Variants in LCA5 observed in about 807,000 individuals in gnomAD.
LCA5 encodes lebercilin LCA5.
A neutral mutation model predicts 53.0 loss-of-function variants in LCA5; 37 were observed. That is an observed-to-expected ratio of 0.70 (90% CI 0.54 to 0.92). The LOEUF is 0.92. Ranked by LOEUF, LCA5 falls within the 40% of genes least tolerant of loss-of-function variation. The pLI, the probability that LCA5 is intolerant of heterozygous loss-of-function variation, is 0.00. For synonymous variants in LCA5, 303 were observed against 282.9 expected (o/e 1.07, Z -0.71); for missense variants, 806 against 790.5 (o/e 1.02, Z -0.23).
rs200988021 is a variant in LCA5 at position 79,491,589 on chromosome 6, A to C, written c.1097T>G (p.Leu366Trp). ...NKWEEPGHLT[L>W]DLQSQKQDRH... ...ACATAACAATACTGCTAAACTCACCAAAGTAAGATGTCCTGGTTCTTCCCA... is the reference window on the plus strand; with the variant it reads ...ACATAACAATACTGCTAAACTCACCCAAGTAAGATGTCCTGGTTCTTCCCA... Residue 366 changes from leucine (L) to tryptophan (W), a missense_variant and splice_region_variant, in exon 6 of 8, where the codon TTG becomes TGG. Transcript: ENST00000369846. The C allele has an allele frequency of 9.9e-6, 16 of 1,612,814 alleles. No individual in the cohort carries two copies. The highest frequency in any genetic ancestry group is 1.2e-5 in the Non-Finnish European group (14 of 1,178,986).
chr6:79,493,926 G>C (rs764009739), intron 3 of LCA5, among the ~76,000 whole-genome samples, 176 bp from the exon 4 acceptor site: 4 of 152,118 alleles, frequency 2.6e-5, no homozygotes, highest in Non-Finnish European at 5.9e-5. Flanking sequence ...ATTTAGTAAG[G>C]TATCAAGCCT....
chr6:79,504,714 A>C (rs766128454), intron 3 of LCA5, among the ~76,000 whole-genome samples: 1 of 152,218 alleles, frequency 6.6e-6, no homozygotes, highest in Non-Finnish European at 1.5e-5. Flanking sequence ...ATTTAACAGT[A>C]ATAAGGAAAG....
intron 1 of LCA5, among the ~76,000 whole-genome samples, chr6:79,524,582 A>T (rs75012477): frequency 0.066 from 9,991 of 152,238 alleles, 442 homozygotes; most frequent in Non-Finnish European, 0.1. Flanking sequence ...TTTATTCAAA[A>T]TATATTTCTT....
At chr6:79,495,965 T>A (rs1769973529) in intron 3 of LCA5, among the ~76,000 whole-genome samples, 1 of 152,036 alleles carries the variant, frequency 6.6e-6, no homozygotes, top group African/African-American at 2.4e-5. Context: ...AACATCTGTA[T>A]CTGTCCCACA....
rs1769665768 is a variant in LCA5, at chr6:79,486,709, A to AC, written c.*294dup. The AC allele has an allele frequency of 3.6e-6, 1 of 274,684 alleles. No individual in the cohort carries two copies. The highest frequency in any genetic ancestry group is 6.8e-6 in the Non-Finnish European group (1 of 147,864). The allele number at this position is 274,684 out of a possible 1,614,324, so 17.0% of individuals were successfully genotyped here. A position where few individuals can be genotyped will look rare whatever the true frequency, so the allele number is the denominator to read the frequency against. On this transcript the variant is annotated 3_prime_UTR_variant, in exon 8 of 8. Coordinates refer to ENST00000369846, the MANE Select transcript of LCA5 (RefSeq NM_001122769.3). ...ATAGGAATAAAAGTAGAAAAGGAAT[A>AC]CCACCTCCAGTGCAGTTAAACTTGC...
chr6:79,529,853 G>T (rs1317260509), intron 1 of LCA5, among the ~76,000 whole-genome samples: 2 of 148,248 alleles, frequency 1.3e-5, no homozygotes, highest in African/African-American at 5.0e-5. Flanking sequence ...CTATTGCAAG[G>T]ACAAAAAAAA....
intron 1 of LCA5, among the ~76,000 whole-genome samples, chr6:79,519,921 C>G (rs1372063015): frequency 6.6e-6 from 1 of 151,620 alleles, no homozygotes; most frequent in Non-Finnish European, 1.5e-5. Flanking sequence ...ATTAAATGGG[C>G]AAAATATATA....
chr6:79,535,061 T>C lies in LCA5; in HGVS notation c.-192+2104A>G, dbSNP rs528625130. Among the ~76,000 whole-genome samples the C allele has an allele frequency of 4.0e-4, 61 of 152,310 alleles. 1 individual carries two copies. Among genetic ancestry groups the C allele is most frequent in the Admixed American group, 2.1e-3 (32 of 15,302 alleles). On this transcript the variant is annotated intron_variant, in intron 1 of 7. Coordinates refer to ENST00000369846, the MANE Select transcript of LCA5 (RefSeq NM_001122769.3). ...ATGCTAAAATAATATTCTGGATATATGTGACTTAAAAATACATTAAAATTT... is the reference window on the plus strand; with the variant it reads ...ATGCTAAAATAATATTCTGGATATACGTGACTTAAAAATACATTAAAATTT...
chr6:79,533,735 C>T (rs1428341647), intron 1 of LCA5, among the ~76,000 whole-genome samples: 1 of 151,414 alleles, frequency 6.6e-6, no homozygotes, highest in Non-Finnish European at 1.5e-5. Flanking sequence ...CTGTAGAGTC[C>T]ATTGTATATA....
rs1182228360 is a variant in LCA5, at chr6:79,487,417, C to G, written c.1681G>C (p.Ala561Pro). 6.2e-7 allele frequency: 1 copy of G among 1,612,430 alleles called. No individual in the cohort carries two copies. The highest frequency in any genetic ancestry group is 8.5e-7 in the Non-Finnish European group (1 of 1,179,418). Residue 561 changes from alanine (A) to proline (P), a missense_variant, in exon 8 of 8, where the codon GCA (alanine) becomes CCA (proline). Ala to Pro is a conservative substitution (Grantham distance 27, BLOSUM62 -1). Transcript: ENST00000369846. Reference protein sequence around the residue: ...FAFGSYVPSFAKTSERSNPFS... With the variant: ...FAFGSYVPSFPKTSERSNPFS... ...GGATTTGACCTCTCTGATGTTTTTGCAAACGAAGGCACGTAGCTACCAAAT... is the reference window on the plus strand; with the variant it reads ...GGATTTGACCTCTCTGATGTTTTTGGAAACGAAGGCACGTAGCTACCAAAT...
chr6:79,498,390 C>G (rs1467571683), intron 3 of LCA5, among the ~76,000 whole-genome samples: 1 of 151,942 alleles, frequency 6.6e-6, no homozygotes, highest in East Asian at 1.9e-4. Flanking sequence ...CCTATCCCCC[C>G]CTAGATATTT....
At chr6:79,524,736 T>A (rs1766730393) in intron 1 of LCA5, among the ~76,000 whole-genome samples, 1 of 152,118 alleles carries the variant, frequency 6.6e-6, no homozygotes, top group African/African-American at 2.4e-5. Context: ...CCCTAGGTGC[T>A]TTTAGGGCTT....
At chr6:79,518,280 AC>A (rs1440371418) in intron 2 of LCA5, among the ~76,000 whole-genome samples, 1 of 152,166 alleles carries the variant, frequency 6.6e-6, no homozygotes, top group Non-Finnish European at 1.5e-5. Context: ...ATACTGTATT[AC>A]CTACAGTAAG....
At chr6:79,490,943 C>G (rs1231408301) in intron 6 of LCA5, among the ~76,000 whole-genome samples, 1 of 151,798 alleles carries the variant, frequency 6.6e-6, no homozygotes, top group Non-Finnish European at 1.5e-5. Context: ...CAACAGAGAC[C>G]CCTTGAATTC....
intron 3 of LCA5, among the ~76,000 whole-genome samples, chr6:79,495,076 C>T (rs1769943859): frequency 1.3e-5 from 2 of 152,184 alleles, no homozygotes; most frequent in African/African-American, 2.4e-5. Flanking sequence ...AGCGAGCAAG[C>T]GCGAGCATTA....
chr6:79,529,824 T>A lies in LCA5; in HGVS notation c.-192+7341A>T, dbSNP rs144907652. On this transcript the variant is annotated intron_variant, in intron 1 of 7. Transcript: ENST00000369846. ...TTATGGGGACATGGATGAAGGTGGA[T>A]ACCATCATTCTCAGCAAACTATTGC... 4.5e-3 allele frequency among the ~76,000 whole-genome samples: 676 copies of A among 151,864 alleles called. 8 individuals carry two copies. Among genetic ancestry groups the A allele is most frequent in the African/African-American group, 0.016 (651 of 41,424 alleles).
At chr6:79,512,441 C>T (rs1766251310) in intron 3 of LCA5, among the ~76,000 whole-genome samples, 3 of 152,150 alleles carry the variant, frequency 2.0e-5, no homozygotes, top group South Asian at 4.1e-4. Context: ...AGTACCACAA[C>T]ATGCCATGTA....
intron 1 of LCA5, among the ~76,000 whole-genome samples, chr6:79,528,601 G>T (rs1353568554): frequency 2.0e-5 from 3 of 152,116 alleles, no homozygotes; most frequent in African/African-American, 7.2e-5. Context: ...CTCAATAGGA[G>T]TCCCTAGGGA....
At chr6:79,497,936 G>A (rs1484728574) in intron 3 of LCA5, among the ~76,000 whole-genome samples, 8 of 137,900 alleles carry the variant, frequency 5.8e-5, no homozygotes, top group Non-Finnish European at 1.2e-4. Context: ...CAGAGTGGGC[G>A]ACAGAGTGAG....
Sources: gnomAD v4.1 joint callset for allele counts (sites outside exome capture counted in the v4.1 genomes callset) on GRCh38, gnomAD v4.1.1 for gene constraint, MANE v1.5 for transcripts, NCBI Gene and HGNC (gene_info 2026-07-23, HGNC 2026-07-21) for gene names.